The following ANK1 variants were observed in gnomAD, a reference collection of about 807,000 sequenced individuals.
The protein encoded by ANK1 is ankyrin-1.
Under a neutral mutation model 210.4 loss-of-function variants are expected in ANK1, and 51 were observed. The ratio of observed to expected loss-of-function variants is 0.24; its 90% CI spans 0.19 to 0.31. ANK1 has a LOEUF of 0.31. ANK1 is among the 10% of genes least tolerant of loss of function. The pLI, the probability that ANK1 is intolerant of heterozygous loss-of-function variation, is 1.00. For synonymous variants in ANK1, 967 were observed against 1,025.9 expected, an observed-to-expected ratio of 0.94 and a Z score of 1.10; for missense variants, 2,051 against 2,504.4, an observed-to-expected ratio of 0.82 and a Z score of 3.86.
chr8:41,803,085 G>GGAAGGAAGGAAGGGAAGGA lies in ANK1; in HGVS notation c.127-44949_127-44948insTCCTTCCCTTCCTTCCTTC, dbSNP rs1563811160. On this transcript the variant is annotated intron_variant, in intron 1 of 42. Coordinates refer to the ANK1 transcript ENST00000265709. ...AAAGGAAGGAAGGAAGGAAGGAAGG[G>GGAAGGAAGGAAGGGAAGGA]AAGGAAAGGAAAGGAAAGGAAAGGA... Among the ~76,000 whole-genome samples the GGAAGGAAGGAAGGGAAGGA allele has an allele frequency of 2.2e-4, 13 of 60,030 alleles. 1 individual carries two copies. The highest frequency in any genetic ancestry group is 0.017 in the Middle Eastern group (2 of 118). The allele number at this position is 60,030 out of a possible 152,430, so 39.4% of individuals were successfully genotyped here.
intron 1 of ANK1, among the ~76,000 whole-genome samples, chr8:41,786,644 C>T (rs1244217369): frequency 6.6e-6 from 1 of 152,192 alleles, no homozygotes; most frequent in Non-Finnish European, 1.5e-5. Context: ...ATTTGCTAAT[C>T]CCAGCCCAGC....
At chr8:41,721,579 C>T (rs1829268856) in intron 9 of ANK1, among the ~76,000 whole-genome samples, 1 of 149,850 alleles carries the variant, frequency 6.7e-6, no homozygotes, top group Non-Finnish European at 1.5e-5. Flanking sequence ...ATCGATTGAA[C>T]CTGTGAGGCG....
chr8:41,684,728 C>A (rs536388971), intron 36 of ANK1, 38 bp from the exon 37 acceptor site: 1 of 1,605,900 alleles, frequency 6.2e-7, no homozygotes, highest in South Asian at 1.1e-5. Context: ...TACTCCAGGC[C>A]GGTGAGCGAG....
At chr8:41,724,211 T>C (rs1180089437) in intron 7 of ANK1, among the ~76,000 whole-genome samples, 2 of 152,132 alleles carry the variant, frequency 1.3e-5, no homozygotes, top group East Asian at 1.9e-4. Flanking sequence ...TGGAAATCAC[T>C]CTCTGCCCTC....
chr8:41,659,748 G>A (rs1280546499), intron 42 of ANK1, among the ~76,000 whole-genome samples: 2 of 127,136 alleles, frequency 1.6e-5, no homozygotes, highest in Non-Finnish European at 3.1e-5. Flanking sequence ...GTCACTGACA[G>A]AGGGCCAAGT....
chr8:41,711,435 A>C (rs1188076207), intron 16 of ANK1, among the ~76,000 whole-genome samples: 1 of 152,220 alleles, frequency 6.6e-6, no homozygotes, highest in Admixed American at 6.5e-5. Flanking sequence ...ATTCATGTTA[A>C]AAGAGATCAT....
chr8:41,674,819 C>T (rs1440487586), intron 37 of ANK1, among the ~76,000 whole-genome samples: 1 of 152,156 alleles, frequency 6.6e-6, no homozygotes, highest in African/African-American at 2.4e-5. Flanking sequence ...GAGGGAAACC[C>T]CTTTTAGCTC....
At chr8:41,707,613 G>A (rs1392318511) in intron 17 of ANK1, among the ~76,000 whole-genome samples, 1 of 152,212 alleles carries the variant, frequency 6.6e-6, no homozygotes, top group Admixed American at 6.5e-5. Context: ...CCAATAATCT[G>A]CCTCGTGAGG....
At chr8:41,779,100 G>T (rs941539970) in intron 1 of ANK1, among the ~76,000 whole-genome samples, 1 of 152,112 alleles carries the variant, frequency 6.6e-6, no homozygotes, top group African/African-American at 2.4e-5. Flanking sequence ...ATGCAGGCAG[G>T]GATAAGGCAG....
chr8:41,894,670 G>A (rs1427628334), intron 1 of ANK1, among the ~76,000 whole-genome samples: 1 of 152,156 alleles, frequency 6.6e-6, no homozygotes, highest in Non-Finnish European at 1.5e-5. Context: ...GCTCGGAGAG[G>A]AGCGCCTTGG....
chr8:41,891,496 C>T (rs547469437), intron 1 of ANK1, among the ~76,000 whole-genome samples: 1 of 152,320 alleles, frequency 6.6e-6, no homozygotes, highest in Non-Finnish European at 1.5e-5. Flanking sequence ...ACATCACTTG[C>T]TCCTCACAGT....
At chr8:41,719,291 C>A (rs1432973656) in intron 10 of ANK1, among the ~76,000 whole-genome samples, 1 of 152,184 alleles carries the variant, frequency 6.6e-6, no homozygotes, top group African/African-American at 2.4e-5. Flanking sequence ...CAAAGCAGCT[C>A]AGAAAGCCAC....
chr8:41,688,222 T>C lies in ANK1; in HGVS notation c.4192A>G (p.Ser1398Gly). The C allele has an allele frequency of 6.2e-7, 1 of 1,614,218 alleles. No individual in the cohort carries two copies. The highest frequency in any genetic ancestry group is 8.5e-7 in the Non-Finnish European group (1 of 1,180,032). Residue 1398 changes from serine to glycine, a missense_variant, in exon 35 of 43, where the codon AGT becomes GGT. Physicochemically the swap from Ser to Gly is moderately conservative, Grantham distance 56. Coordinates refer to ENST00000289734, the MANE Select transcript of ANK1 (RefSeq NM_000037.4). ...ILSESTPGSL[S>G]GTEQAEMKMA... ...TTCATCTCTGCCTGCTCTGTCCCACTGAGAGAACCTGGGGAGAAGCATTAG... is the reference window on the plus strand; with the variant it reads ...TTCATCTCTGCCTGCTCTGTCCCACCGAGAGAACCTGGGGAGAAGCATTAG...
At chr8:41,731,744 A>T (rs1832231894) in intron 3 of ANK1, among the ~76,000 whole-genome samples, 1 of 152,200 alleles carries the variant, frequency 6.6e-6, no homozygotes, top group Admixed American at 6.5e-5. Flanking sequence ...AATAAAAAAG[A>T]CACACCAAGT....
intron 1 of ANK1, among the ~76,000 whole-genome samples, chr8:41,861,930 C>A (rs1400687024): frequency 6.6e-6 from 1 of 152,234 alleles, no homozygotes; most frequent in Non-Finnish European, 1.5e-5. Context: ...CCTCCTCTTG[C>A]ACGCTCCTGC....
rs148990802 is a variant in ANK1, at chr8:41,714,839, A to G, written c.1701+137T>C. ...GGCACCACTGCACTCCAGCCTGGGCAACAGAGCGAGACCCTGTCTCAAAGA... is the reference window on the plus strand; with the variant it reads ...GGCACCACTGCACTCCAGCCTGGGCGACAGAGCGAGACCCTGTCTCAAAGA... On this transcript the variant is annotated intron_variant, in intron 15 of 42. Coordinates refer to ENST00000289734, the MANE Select transcript of ANK1 (RefSeq NM_000037.4). 3.9e-3 allele frequency: 3,497 copies of G among 904,358 alleles called. 86 individuals are homozygous for G. In the African/African-American group the frequency reaches 0.05, roughly 13 times the overall value. The allele number at this position is 904,358 out of a possible 1,614,324, so 56.0% of individuals were successfully genotyped here.
intron 1 of ANK1, among the ~76,000 whole-genome samples, chr8:41,785,759 C>T (rs1846220619): frequency 6.6e-6 from 1 of 152,218 alleles, no homozygotes; most frequent in Admixed American, 6.5e-5. Flanking sequence ...GGCTTCCTTC[C>T]TTTCCAGATC....
intron 1 of ANK1, among the ~76,000 whole-genome samples, chr8:41,825,854 G>A (rs1407643894): frequency 6.6e-6 from 1 of 152,150 alleles, no homozygotes; most frequent in Non-Finnish European, 1.5e-5. Flanking sequence ...TCTCTTGCCT[G>A]CCGCCATGTA....
intron 1 of ANK1, among the ~76,000 whole-genome samples, chr8:41,796,520 G>C (rs557173011): frequency 6.7e-6 from 1 of 149,090 alleles, no homozygotes; most frequent in South Asian, 2.1e-4. Context: ...GGAGGCCCAA[G>C]CTTCCTCTAC....
Sources: allele counts gnomAD v4.1 joint callset (sites outside exome capture counted in the v4.1 genomes callset), GRCh38; gene constraint gnomAD v4.1.1; transcripts MANE v1.5; gene names NCBI Gene and HGNC (gene_info 2026-07-23, HGNC 2026-07-21).